The following ATP6V1E1 variants were observed in gnomAD, a reference collection of about 807,000 sequenced individuals.
ATP6V1E1 encodes the protein ATPase H+ transporting V1 subunit E1.
A neutral mutation model predicts 35.2 loss-of-function variants in ATP6V1E1; 21 were observed. That is an observed-to-expected ratio of 0.60 (90% CI 0.42 to 0.86). The LOEUF (loss-of-function observed/expected upper bound fraction) is 0.86. ATP6V1E1 is among the 40% of genes least tolerant of loss of function. ATP6V1E1 has a pLI of 0.00. For missense variants in ATP6V1E1, 183 were observed against 272.6 expected (o/e 0.67, Z 2.32); for synonymous variants, 83 against 87.8 (o/e 0.95, Z 0.30).
At chr22:17,605,137 G>A (rs1472993207) in intron 4 of ATP6V1E1, among the ~76,000 whole-genome samples, 5 of 148,704 alleles carry the variant, frequency 3.4e-5, no homozygotes, top group Admixed American at 6.7e-5. Context: ...CCCGGGTGGC[G>A]GAGGCTGCAG....
At chr22:17,596,394 A>G (rs1012023627) in intron 7 of ATP6V1E1, among the ~76,000 whole-genome samples, 1 of 152,096 alleles carries the variant, frequency 6.6e-6, no homozygotes, top group African/African-American at 2.4e-5. Flanking sequence ...CTGTGAGCAG[A>G]GGGTGGGCTG....
chr22:17,603,109 C>G (rs1218578614), intron 4 of ATP6V1E1, among the ~76,000 whole-genome samples: 2 of 152,130 alleles, frequency 1.3e-5, no homozygotes, highest in Non-Finnish European at 2.9e-5. Context: ...GCCACCTCAC[C>G]CAGCTAATTT....
intron 4 of ATP6V1E1, among the ~76,000 whole-genome samples, chr22:17,609,363 T>C (rs2057802956): frequency 6.6e-6 from 1 of 150,756 alleles, no homozygotes; most frequent in Non-Finnish European, 1.5e-5. Flanking sequence ...GGGCACCACA[T>C]TGGCCGGGCT....
chr22:17,613,550 C>G (rs541355107), intron 2 of ATP6V1E1, among the ~76,000 whole-genome samples: 2 of 151,372 alleles, frequency 1.3e-5, no homozygotes, highest in East Asian at 3.9e-4. Context: ...TAACAGTAAC[C>G]GACAAGTTAC....
At chr22:17,617,940 G>T (rs1486607046) in intron 2 of ATP6V1E1, among the ~76,000 whole-genome samples, 1 of 152,224 alleles carries the variant, frequency 6.6e-6, no homozygotes, top group African/African-American at 2.4e-5. Flanking sequence ...CTCCCGAGGA[G>T]CTGGGATGAC....
chr22:17,619,274 A>T (rs1156601494), intron 2 of ATP6V1E1, 187 bp downstream of exon 2: 2 of 602,890 alleles, frequency 3.3e-6, no homozygotes, highest in Non-Finnish European at 2.9e-6. Context: ...CCTGGGCGAC[A>T]AGAGTGAAAC....
chr22:17,614,667 T>TAAAA lies in ATP6V1E1; in HGVS notation c.100-1351_100-1348dup, dbSNP rs200743259. Among the ~76,000 whole-genome samples the TAAAA allele has an allele frequency of 2.0e-3, 267 of 130,744 alleles. 1 individual carries two copies. The highest frequency in any genetic ancestry group is 7.2e-3 in the African/African-American group (255 of 35,532). The allele number at this position is 130,744 out of a possible 152,430, so 85.8% of individuals were successfully genotyped here. ...AGCCTGGGCAACAAAAGCGAACTCTTAAAAAAAAAAAAAAAAGTTGCCTGG... is the reference window on the plus strand; with the variant it reads ...AGCCTGGGCAACAAAAGCGAACTCTTAAAAAAAAAAAAAAAAAAAAGTTGCCTGG... On this transcript the variant is annotated intron_variant, in intron 2 of 8. Transcript: ENST00000253413.
intron 2 of ATP6V1E1, among the ~76,000 whole-genome samples, chr22:17,616,831 G>A (rs1435057826): frequency 3.0e-5 from 2 of 65,784 alleles, no homozygotes; most frequent in Admixed American, 1.3e-4. Context: ...GGCGGATCAC[G>A]AGGTCAGGAG....
Position 17,619,120 on chromosome 22 carries a change from C to T in ATP6V1E1, c.99+341G>A, listed in dbSNP as rs188635016. ...CATCCTGGCCAACACGGTGAAACCC[C>T]GTCTCTACTAAAAATACAAATATTA... On this transcript the variant is annotated intron_variant, in intron 2 of 8. Coordinates refer to ENST00000253413, the MANE Select transcript of ATP6V1E1 (RefSeq NM_001696.4). The T allele has an allele frequency of 1.8e-3, 824 of 446,480 alleles. 3 individuals are homozygous for T. Among genetic ancestry groups the T allele is most frequent in the Middle Eastern group, 2.1e-3 (3 of 1,416 alleles). 27.7% of individuals were successfully genotyped at this position (446,480 alleles called of 1,614,324 possible). A position where few individuals can be genotyped will look rare whatever the true frequency, so the allele number is the denominator to read the frequency against.
chr22:17,600,167 G>A (rs2146298478), intron 5 of ATP6V1E1, 72 bp from the exon 6 acceptor site: 4 of 1,380,114 alleles, frequency 2.9e-6, no homozygotes, highest in East Asian at 4.6e-5. Flanking sequence ...GGGCACAGTG[G>A]CTCAGGTCTG....
In ATP6V1E1 at chr22:17,628,547, A is replaced by G. The variant is rs1285687230; in HGVS notation, c.33+56T>C. ...CCGCGGCCTTCCCTAGGCGGGCTCC[A>G]GCCCACTCCCCGGGACTGCCGCCGC... is the stretch of plus-strand genomic sequence containing the variant. On this transcript the variant is annotated intron_variant, in intron 1 of 8. Transcript: ENST00000253413. The G allele has an allele frequency of 1.3e-5, 21 of 1,612,590 alleles. No individual in the cohort carries two copies. In the East Asian group the frequency reaches 4.7e-4, roughly 36 times the overall value.
intron 4 of ATP6V1E1, among the ~76,000 whole-genome samples, chr22:17,606,522 C>G (rs2057787811): frequency 6.6e-6 from 1 of 152,128 alleles, no homozygotes; most frequent in African/African-American, 2.4e-5. Flanking sequence ...ACTGAAATTA[C>G]ATAAATGTTT....
At chr22:17,628,312 C>T (rs1182545607) in intron 1 of ATP6V1E1, among the ~76,000 whole-genome samples, 1 of 152,196 alleles carries the variant, frequency 6.6e-6, no homozygotes, top group African/African-American at 2.4e-5. Context: ...CGACTAGGCA[C>T]AGTGAATACC....
chr22:17,595,844 A>G (rs888019436), intron 7 of ATP6V1E1, among the ~76,000 whole-genome samples: 14 of 149,496 alleles, frequency 9.4e-5, no homozygotes, highest in African/African-American at 3.0e-4. Context: ...AACAACAAAA[A>G]AAGAGGCTGG....
intron 8 of ATP6V1E1, among the ~76,000 whole-genome samples, chr22:17,594,128 G>A (rs2057719326): frequency 6.6e-6 from 1 of 152,060 alleles, no homozygotes; most frequent in Non-Finnish European, 1.5e-5. Flanking sequence ...CTTGAACCTG[G>A]GAGGTGGAAG....
At chr22:17,598,028 G>A (rs2057741328) in intron 7 of ATP6V1E1, 166 bp downstream of exon 7, 2 of 614,062 alleles carry the variant, frequency 3.3e-6, no homozygotes, top group African/African-American at 1.8e-5. Flanking sequence ...GAGCAAGAGA[G>A]CACTGCGAGA....
At chr22:17,625,581 T>A (rs938400047) in intron 1 of ATP6V1E1, among the ~76,000 whole-genome samples, 6 of 151,750 alleles carry the variant, frequency 4.0e-5, no homozygotes, top group Admixed American at 6.6e-5. Context: ...CAGGAAAAAA[T>A]TTTATTGCTC....
chr22:17,610,125 A>G (rs956980000), intron 4 of ATP6V1E1, among the ~76,000 whole-genome samples: 1 of 65,090 alleles, frequency 1.5e-5, no homozygotes, highest in Non-Finnish European at 3.5e-5. Context: ...CATGCCTCTT[A>G]AAAAAAAATT....
At chr22:17,594,905 C>T (rs930399845) in intron 7 of ATP6V1E1, 11 of 202,068 alleles carry the variant, frequency 5.4e-5, no homozygotes, top group Non-Finnish European at 7.9e-5. Context: ...CTTAAAATAG[C>T]TAATACGATG....
Sources: allele counts gnomAD v4.1 joint callset (sites outside exome capture counted in the v4.1 genomes callset), GRCh38; gene constraint gnomAD v4.1.1; transcripts MANE v1.5; gene names NCBI Gene and HGNC (gene_info 2026-07-23, HGNC 2026-07-21).